PCDH9: variants seen among roughly 807,000 people sequenced by gnomAD.
PCDH9 encodes protocadherin-9.
A neutral mutation model predicts 70.6 loss-of-function variants in PCDH9; 24 were observed. That is an observed-to-expected ratio of 0.34 (90% CI 0.25 to 0.48). The LOEUF is 0.48. Ranked by LOEUF, PCDH9 falls within the 20% of genes least tolerant of loss-of-function variation. The pLI is 0.99. For synonymous variants in PCDH9, 562 were observed against 558.5 expected (o/e 1.01, Z -0.09); for missense variants, 1,281 against 1,503.6 (o/e 0.85, Z 2.45).
chr13:66,839,043 T>G (rs1481437569), intron 3 of PCDH9, among the ~76,000 whole-genome samples: 1 of 151,978 alleles, frequency 6.6e-6, no homozygotes, highest in African/African-American at 2.4e-5. Flanking sequence ...CCTAATACAT[T>G]TTGTATAAAC....
intron 2 of PCDH9, among the ~76,000 whole-genome samples, chr13:66,992,497 G>T (rs537097889): frequency 6.6e-6 from 1 of 152,200 alleles, no homozygotes; most frequent in Admixed American, 6.5e-5. Context: ...TTCCTCTTTG[G>T]TGACTTTAAT....
intron 2 of PCDH9, among the ~76,000 whole-genome samples, chr13:67,176,078 T>C (rs1332556111): frequency 1.3e-5 from 2 of 152,212 alleles, no homozygotes; most frequent in East Asian, 1.9e-4. Context: ...GAAAATTGCA[T>C]TGAGTCTAAC....
intron 4 of PCDH9, among the ~76,000 whole-genome samples, chr13:66,565,177 G>A (rs1047569461): frequency 2.0e-5 from 3 of 152,140 alleles, no homozygotes; most frequent in African/African-American, 4.8e-5. Flanking sequence ...TAAGGAATGT[G>A]CTTGTTTTTA....
intron 2 of PCDH9, among the ~76,000 whole-genome samples, chr13:67,166,469 G>T (rs2088119198): frequency 6.6e-6 from 1 of 152,282 alleles, no homozygotes; most frequent in East Asian, 1.9e-4. Context: ...TATACAAAAT[G>T]AGGATATTTG....
At chr13:66,981,230 A>C (rs1055283299) in intron 2 of PCDH9, among the ~76,000 whole-genome samples, 3 of 152,154 alleles carry the variant, frequency 2.0e-5, no homozygotes, top group Admixed American at 6.5e-5. Flanking sequence ...CGAGGTGCGG[A>C]GATCAAGACC....
intron 4 of PCDH9, among the ~76,000 whole-genome samples, chr13:66,357,116 C>T (rs1029162911): frequency 6.6e-6 from 1 of 151,902 alleles, no homozygotes; most frequent in Non-Finnish European, 1.5e-5. Context: ...GATTATATAG[C>T]AACACATAAT....
intron 4 of PCDH9, among the ~76,000 whole-genome samples, chr13:66,456,225 G>T (rs1392194775): frequency 6.6e-6 from 1 of 152,022 alleles, no homozygotes; most frequent in Non-Finnish European, 1.5e-5. Flanking sequence ...TGCTAATAAA[G>T]AACTGGATAA....
At chr13:67,096,261 A>T (rs999973391) in intron 2 of PCDH9, among the ~76,000 whole-genome samples, 1 of 152,172 alleles carries the variant, frequency 6.6e-6, no homozygotes, top group Non-Finnish European at 1.5e-5. Flanking sequence ...TATTGCTGTC[A>T]TTATTTTAAC....
chr13:66,930,898 C>T (rs985463746), intron 2 of PCDH9, among the ~76,000 whole-genome samples: 1 of 152,068 alleles, frequency 6.6e-6, no homozygotes, highest in Non-Finnish European at 1.5e-5. Context: ...AAGAAGCACA[C>T]ATACAAGTGG....
At chr13:66,759,918 T>C (rs2079597616) in intron 3 of PCDH9, among the ~76,000 whole-genome samples, 1 of 152,206 alleles carries the variant, frequency 6.6e-6, no homozygotes, top group Non-Finnish European at 1.5e-5. Context: ...TAAATTTGAC[T>C]GTGTAGTTCA....
chr13:67,156,424 T>C (rs551963426), intron 2 of PCDH9, among the ~76,000 whole-genome samples: 1 of 151,356 alleles, frequency 6.6e-6, no homozygotes, highest in Non-Finnish European at 1.5e-5. Context: ...GAGGGGAGCA[T>C]GGCAGCTGAA....
At chr13:66,983,181 TA>T (rs559335420) in intron 2 of PCDH9, among the ~76,000 whole-genome samples, 1 of 151,942 alleles carries the variant, frequency 6.6e-6, no homozygotes, top group South Asian at 2.1e-4. Flanking sequence ...TTTACCTATG[TA>T]AAAAAACCTG....
intron 4 of PCDH9, among the ~76,000 whole-genome samples, chr13:66,590,094 C>T (rs752409947): frequency 1.3e-4 from 20 of 151,986 alleles, no homozygotes; most frequent in Non-Finnish European, 2.6e-4. Context: ...AAAGTTTCAT[C>T]ATCTAATGGG....
At chr13:67,143,897 C>T (rs1247663416) in intron 2 of PCDH9, among the ~76,000 whole-genome samples, 2 of 152,176 alleles carry the variant, frequency 1.3e-5, no homozygotes, top group African/African-American at 2.4e-5. Context: ...CTGAAGAGTG[C>T]ATCCCTACAG....
chr13:66,539,489 A>T (rs866543980), intron 4 of PCDH9, among the ~76,000 whole-genome samples: 1 of 152,060 alleles, frequency 6.6e-6, no homozygotes, highest in Non-Finnish European at 1.5e-5. Flanking sequence ...TGCTGCTGCC[A>T]TGTGAAAAAG....
At position 66,883,797 on chromosome 13, in the gene PCDH9, T is replaced by C. The variant is rs191398244; in HGVS notation, c.3138+19707A>G. Among the ~76,000 whole-genome samples, 331 of 152,284 alleles carry C rather than the reference T, an allele frequency of 2.2e-3. 1 individual carries two copies. The highest frequency in any genetic ancestry group is 6.8e-3 in the Middle Eastern group (2 of 294). ...AGAACACCTTCTCATTGGACATTGT[T>C]TGAGAAGTGCTCACTCTTCTCCTGT... is the stretch of plus-strand genomic sequence containing the variant. On this transcript the variant is annotated intron_variant, in intron 3 of 4. Coordinates refer to ENST00000377865, the MANE Select transcript of PCDH9 (RefSeq NM_203487.3).
At chr13:66,961,597 C>A (rs973041741) in intron 2 of PCDH9, among the ~76,000 whole-genome samples, 1 of 152,078 alleles carries the variant, frequency 6.6e-6, no homozygotes, top group Non-Finnish European at 1.5e-5. Flanking sequence ...AGTTTGAGAC[C>A]AGCCTGAGCA....
At chr13:66,608,083 C>A (rs2138862342) in intron 4 of PCDH9, among the ~76,000 whole-genome samples, 1 of 151,890 alleles carries the variant, frequency 6.6e-6, no homozygotes, top group African/African-American at 2.4e-5. Context: ...ATGGGAAAAA[C>A]CAGGATCAGA....
chr13:67,204,917 C>T (rs1304728134), intron 2 of PCDH9: 1 of 152,136 alleles, frequency 6.6e-6, no homozygotes, highest in Non-Finnish European at 1.5e-5. Flanking sequence ...AACAATTTGG[C>T]ACTCTTCCAT....
Sources: gnomAD v4.1 joint callset for allele counts (sites outside exome capture counted in the v4.1 genomes callset) on GRCh38, gnomAD v4.1.1 for gene constraint, MANE v1.5 for transcripts, NCBI Gene and HGNC (gene_info 2026-07-23, HGNC 2026-07-21) for gene names.